Variants in SPON1 observed in about 807,000 individuals in gnomAD.
The protein encoded by SPON1 is spondin 1, also known as spondin-1.
A neutral mutation model predicts 111.7 loss-of-function variants in SPON1; 52 were observed. That is an observed-to-expected ratio of 0.47 (90% CI 0.37 to 0.59). The LOEUF (loss-of-function observed/expected upper bound fraction) is 0.59, where lower values mean the gene tolerates loss of function less well. Among genes scored for constraint, SPON1 ranks in the 20% least tolerant of loss-of-function variants. SPON1 has a pLI of 0.00. For missense variants in SPON1, 957 were observed against 1,068.5 expected, an observed-to-expected ratio of 0.90 and a Z score of 1.46; for synonymous variants, 410 against 395.8, an observed-to-expected ratio of 1.04 and a Z score of -0.43.
In SPON1 at chr11:14,163,847, G is replaced by T. The variant is rs12287225; in HGVS notation, c.825+28279G>T. On this transcript the variant is annotated intron_variant, in intron 6 of 15. Transcript: ENST00000576479. Reference sequence around the variant, plus strand: ...GAAAGGCTCTCCAATTCCCTCCCCCGCTTTAGCAACAGCCCTGGTTACCCC... The same window carrying T: ...GAAAGGCTCTCCAATTCCCTCCCCCTCTTTAGCAACAGCCCTGGTTACCCC... Among the ~76,000 whole-genome samples the T allele has an allele frequency of 4.0e-5, 6 of 151,272 alleles. No homozygotes were observed. In the South Asian group the frequency reaches 6.3e-4, roughly 16 times the overall value.
At chr11:14,053,677 C>G (rs1554918855) in intron 3 of SPON1, among the ~76,000 whole-genome samples, 1 of 152,140 alleles carries the variant, frequency 6.6e-6, no homozygotes. Flanking sequence ...TGGCATGTTG[C>G]CTCACACCTA....
chr11:14,254,517 T>C lies in SPON1; in HGVS notation c.891-11T>C, dbSNP rs782260044. 4 of 1,584,280 alleles carry C rather than the reference T, an allele frequency of 2.5e-6. No individual in the cohort carries two copies. The highest frequency in any genetic ancestry group is 3.4e-6 in the Non-Finnish European group (4 of 1,165,526). ...AACTCTAATATAATGGTCTCTGTAT[T>C]TCGTTTCCAGGAGAGCAGCACCTTC... On this transcript the variant is annotated splice_polypyrimidine_tract_variant and intron_variant, in intron 7 of 15. Transcript: ENST00000576479.
chr11:14,158,612 A>G (rs1008495126), intron 6 of SPON1, among the ~76,000 whole-genome samples: 1 of 152,196 alleles, frequency 6.6e-6, no homozygotes. Context: ...AAGGGAAAAA[A>G]GCAGTTTGGA....
At chr11:14,262,683 TAC>T in intron 14 of SPON1, 27 bp from the exon 15 acceptor site, 1 of 1,613,434 alleles carries the variant, frequency 6.2e-7, no homozygotes, top group South Asian at 1.1e-5. Context: ...AGACATGTGA[TAC>T]ACTCATGCCC....
intron 4 of SPON1, among the ~76,000 whole-genome samples, chr11:14,078,533 A>G (rs1228602969): frequency 4.6e-5 from 7 of 152,114 alleles, no homozygotes; most frequent in African/African-American, 1.4e-4. Flanking sequence ...TCTCTTTCCT[A>G]TCTATGCAGA....
At chr11:14,151,306 C>T (rs1180890083) in intron 6 of SPON1, among the ~76,000 whole-genome samples, 1 of 152,124 alleles carries the variant, frequency 6.6e-6, no homozygotes, top group Non-Finnish European at 1.5e-5. Flanking sequence ...ACCCAGCTTG[C>T]CTAGAATGAA....
At chr11:13,990,590 A>G (rs1554911030) in intron 2 of SPON1, among the ~76,000 whole-genome samples, 2 of 151,702 alleles carry the variant, frequency 1.3e-5, no homozygotes, top group Non-Finnish European at 2.9e-5. Context: ...TAATATTATT[A>G]TGTGTCAATT....
At chr11:14,172,030 C>A (rs372480897) in intron 6 of SPON1, among the ~76,000 whole-genome samples, 1 of 152,156 alleles carries the variant, frequency 6.6e-6, no homozygotes. Flanking sequence ...GAGCTGAGTT[C>A]AATTCCTGGA....
At chr11:14,065,297 C>A (rs528589992) in intron 3 of SPON1, among the ~76,000 whole-genome samples, 1 of 152,294 alleles carries the variant, frequency 6.6e-6, no homozygotes, top group South Asian at 2.1e-4. Context: ...CCCACAGAAG[C>A]GGGAGGAGGC....
intron 1 of SPON1, among the ~76,000 whole-genome samples, chr11:13,977,218 A>G (rs1848109878): frequency 6.6e-6 from 1 of 152,170 alleles, no homozygotes; most frequent in Non-Finnish European, 1.5e-5. Flanking sequence ...TTAAGATGGT[A>G]TTGCTGGGTG....
chr11:14,060,361 A>G (rs1325025241), intron 3 of SPON1, among the ~76,000 whole-genome samples: 2 of 152,222 alleles, frequency 1.3e-5, no homozygotes, highest in Non-Finnish European at 2.9e-5. Flanking sequence ...AATTTCCTTG[A>G]CAAATGGAAG....
chr11:14,027,686 A>G (rs1268092972), intron 2 of SPON1, among the ~76,000 whole-genome samples: 2 of 152,354 alleles, frequency 1.3e-5, no homozygotes, highest in Non-Finnish European at 1.5e-5. Context: ...CAGGCGGAGC[A>G]GGATAGAGAG....
chr11:14,011,340 C>T (rs1275198877), intron 2 of SPON1, among the ~76,000 whole-genome samples: 2 of 152,142 alleles, frequency 1.3e-5, no homozygotes, highest in Admixed American at 6.6e-5. Flanking sequence ...AACCATATAA[C>T]AAGGTACTGC....
intron 6 of SPON1, among the ~76,000 whole-genome samples, chr11:14,216,481 T>C (rs1286034819): frequency 6.6e-6 from 1 of 152,188 alleles, no homozygotes; most frequent in Admixed American, 6.5e-5. Context: ...TCCTTAGAAA[T>C]AGCTAATGAG....
At chr11:14,150,572 A>G (rs1554929831) in intron 6 of SPON1, among the ~76,000 whole-genome samples, 1 of 152,186 alleles carries the variant, frequency 6.6e-6, no homozygotes, top group African/African-American at 2.4e-5. Flanking sequence ...CCCTGTAAAT[A>G]TGTACAAAAC....
chr11:14,099,509 C>T (rs2133842785), intron 5 of SPON1, among the ~76,000 whole-genome samples: 1 of 152,162 alleles, frequency 6.6e-6, no homozygotes, highest in East Asian at 1.9e-4. Flanking sequence ...CTGAGCCCTT[C>T]CCAGGGAATT....
chr11:14,119,353 C>G (rs1321633532), intron 5 of SPON1, among the ~76,000 whole-genome samples: 1 of 152,116 alleles, frequency 6.6e-6, no homozygotes, highest in Admixed American at 6.5e-5. Flanking sequence ...CATCAGCGTA[C>G]CTCTGAGAGG....
intron 6 of SPON1, among the ~76,000 whole-genome samples, chr11:14,137,420 T>G (rs1205117641): frequency 3.9e-5 from 6 of 152,172 alleles, no homozygotes; most frequent in African/African-American, 1.4e-4. Context: ...TAAGTTTAAT[T>G]ATGGGTACCG....
intron 6 of SPON1, among the ~76,000 whole-genome samples, chr11:14,234,423 C>T (rs1554939030): frequency 6.6e-6 from 1 of 152,148 alleles, no homozygotes; most frequent in African/African-American, 2.4e-5. Context: ...CAGGCATGCC[C>T]CATCAGCCTC....
Sources: allele counts gnomAD v4.1 joint callset (sites outside exome capture counted in the v4.1 genomes callset), GRCh38; gene constraint gnomAD v4.1.1; transcripts MANE v1.5; gene names NCBI Gene and HGNC (gene_info 2026-07-23, HGNC 2026-07-21).